BEGAIN: variants seen among roughly 807,000 people sequenced by gnomAD.
The protein encoded by BEGAIN is brain enriched guanylate kinase associated.
A neutral mutation model predicts 35.8 loss-of-function variants in BEGAIN; 19 were observed. That is an observed-to-expected ratio of 0.53 (90% confidence interval 0.37 to 0.78). BEGAIN has a LOEUF of 0.78. Ranked by LOEUF, BEGAIN falls within the 30% of genes least tolerant of loss-of-function variation. BEGAIN has a pLI of 0.00. For missense variants in BEGAIN, 795 were observed against 853.6 expected (o/e 0.93, Z 0.85); for synonymous variants, 462 against 388.6 (o/e 1.19, Z -2.22).
intron 1 of BEGAIN, among the ~76,000 whole-genome samples, chr14:100,583,612 G>A (rs1232358227): frequency 2.7e-5 from 4 of 149,820 alleles, no homozygotes; most frequent in Admixed American, 6.6e-5. Context: ...CTCTCCTCCC[G>A]TCCATCTATC....
Position 100,563,450 on chromosome 14 carries a change from G to A in BEGAIN, c.71+4461C>T, listed in dbSNP as rs1416179471. ...CATAGAAGGACCGTGTGAACAGCGA[G>A]ACGCGGCGTCCCCCAGGAGGTGTGG... On this transcript the variant is annotated intron_variant, in intron 2 of 6. Coordinates refer to ENST00000554140, the MANE Select transcript of BEGAIN (RefSeq NM_001385089.1). This position sits in a 1 kb window ranked among gnomAD's most constrained non-coding sequence, Gnocchi z 4.2. 1.3e-5 allele frequency among the ~76,000 whole-genome samples: 2 copies of A among 152,248 alleles called. No individual in the cohort carries two copies. The highest frequency in any genetic ancestry group is 2.4e-5 in the African/African-American group (1 of 41,458).
chr14:100,548,609 C>G (rs1157520427), intron 2 of BEGAIN: 1 of 152,480 alleles, frequency 6.6e-6, no homozygotes, highest in Non-Finnish European at 1.5e-5. Flanking sequence ...CCTGCCCCTT[C>G]TGGGCACCCT....
At chr14:100,577,463 C>T (rs2035226019) in intron 1 of BEGAIN, 2 of 399,544 alleles carry the variant, frequency 5.0e-6, no homozygotes, top group Non-Finnish European at 4.4e-6. Flanking sequence ...AGGGCTGGGT[C>T]CTTCTCCCCT....
intron 2 of BEGAIN, among the ~76,000 whole-genome samples, chr14:100,550,085 C>T (rs1389152190): frequency 1.3e-5 from 2 of 152,182 alleles, no homozygotes; most frequent in East Asian, 3.9e-4. Context: ...TGTGCGTGCG[C>T]ACGTGATTCT....
intron 2 of BEGAIN, 33 bp from the exon 3 acceptor site, chr14:100,546,695 C>T (rs753402866): frequency 2.0e-6 from 3 of 1,531,608 alleles, no homozygotes; most frequent in Admixed American, 1.9e-5. Context: ...GGCCGGGCCG[C>T]GGCGCTGAGC....
At chr14:100,559,703 T>A (rs902206015) in intron 2 of BEGAIN, among the ~76,000 whole-genome samples, 1 of 152,160 alleles carries the variant, frequency 6.6e-6, no homozygotes, top group Non-Finnish European at 1.5e-5. Flanking sequence ...TGGACACTTA[T>A]CAGTAATCGT....
Position 100,558,749 on chromosome 14 carries a change from C to T in BEGAIN, c.71+9162G>A, listed in dbSNP as rs2033980157. Among the ~76,000 whole-genome samples, 1 of 152,218 alleles carries T rather than the reference C, an allele frequency of 6.6e-6. No homozygotes were observed. Among genetic ancestry groups the T allele is most frequent in the Admixed American group, 6.5e-5 (1 of 15,288 alleles). Reference sequence around the variant, plus strand: ...TTCCCAGGGTATACCAGGAGCCTCACCTTCTAGGACCACCCACCACACCAG... The same window carrying T: ...TTCCCAGGGTATACCAGGAGCCTCATCTTCTAGGACCACCCACCACACCAG... On this transcript the variant is annotated intron_variant, in intron 2 of 6. Coordinates refer to ENST00000554140, the MANE Select transcript of BEGAIN (RefSeq NM_001385089.1). The surrounding 1 kb of genome is among the most constrained non-coding windows in gnomAD (Gnocchi z 4.6).
rs530174214 is a variant in BEGAIN at position 100,539,146 on chromosome 14, G to C, written c.662C>G (p.Ala221Gly). The C allele has an allele frequency of 1.2e-6, 2 of 1,601,964 alleles. No individual in the cohort carries two copies. Among genetic ancestry groups the C allele is most frequent in the Non-Finnish European group, 8.5e-7 (1 of 1,172,168 alleles). Residue 221 changes from alanine (A) to glycine (G), a missense_variant, in exon 7 of 7, where the codon GCC becomes GGC. Physicochemically the swap from Ala to Gly is moderately conservative, Grantham distance 60. Around this residue, in one of 3 missense-constraint regions of BEGAIN, gnomAD observed 664 missense variants for 647.7 expected, o/e 1.03. Coordinates refer to ENST00000554140, the MANE Select transcript of BEGAIN (RefSeq NM_001385089.1). ...GCAGAAGGCCAGGTCGCGGGCGGAG[G>C]CATCGGACAGGCGGGAGGACAGGCT... ...PASLSSRLSD[A>G]SARDLAFCDG...
At chr14:100,555,788 C>G (rs1595127788) in intron 2 of BEGAIN, among the ~76,000 whole-genome samples, 1 of 152,206 alleles carries the variant, frequency 6.6e-6, no homozygotes, top group East Asian at 1.9e-4. Context: ...CCCCGGAGTC[C>G]AACAGGACAA....
chr14:100,578,823 A>G (rs2035257528), intron 1 of BEGAIN, among the ~76,000 whole-genome samples: 1 of 151,150 alleles, frequency 6.6e-6, no homozygotes, highest in South Asian at 2.1e-4. Flanking sequence ...CTGAATCATC[A>G]TCACACCAGC....
At chr14:100,547,881 C>G (rs1400387975) in intron 2 of BEGAIN, 1 of 152,164 alleles carries the variant, frequency 6.6e-6, no homozygotes, top group South Asian at 2.1e-4. Context: ...TCCCAGTCCC[C>G]CTGGGGCCAC....
chr14:100,550,714 C>T (rs1346254448), intron 2 of BEGAIN, among the ~76,000 whole-genome samples: 1 of 152,180 alleles, frequency 6.6e-6, no homozygotes. Flanking sequence ...GAAGGGGGCC[C>T]AGCCTTGCAC....
Position 100,543,844 on chromosome 14 carries a change from T to G in BEGAIN, c.408+14A>C. On this transcript the variant is annotated intron_variant, in intron 5 of 6. Transcript: ENST00000554140. ...CCGGCAGTCTTCCATGGGCCAAGTG[T>G]GTGCGGCACTCACGTTGTCCTCTGA... 6.2e-7 allele frequency: 1 copy of G among 1,606,158 alleles called. No individual in the cohort carries two copies. The highest frequency in any genetic ancestry group is 8.5e-7 in the Non-Finnish European group (1 of 1,174,362).
At chr14:100,577,540 G>A (rs1473495968) in intron 1 of BEGAIN, 2 of 399,196 alleles carry the variant, frequency 5.0e-6, no homozygotes, top group Non-Finnish European at 4.4e-6. Context: ...AGAGGGCTCT[G>A]GGCTGCGGCC....
At chr14:100,569,283 C>G (rs999291286) in intron 1 of BEGAIN, 1 of 152,180 alleles carries the variant, frequency 6.6e-6, no homozygotes, top group South Asian at 2.1e-4. Flanking sequence ...ATGGCGGTTC[C>G]CCTCCCCAGA....
chr14:100,538,240 C>T lies in BEGAIN; in HGVS notation c.1568G>A (p.Gly523Asp), dbSNP rs774330641. The change falls in exon 7 of 7, where the codon GGC becomes GAC. Residue 523 changes from glycine (G) to aspartate (D), a missense_variant. By Grantham distance (94) the Gly-to-Asp change is moderately conservative (BLOSUM62 -1). This residue lies in a region of BEGAIN where 664 missense variants were observed against 647.7 expected (regional missense o/e 1.03). Transcript: ENST00000554140. The part of the protein sequence containing the change: ...RAGGDLSLSP[G>D]RSADPLPGYA... The stretch of plus-strand genomic sequence containing the variant: ...GCCGGGCAGTGGGTCAGCCGAGCGG[C>T]CGGGACTGAGGCTCAGGTCGCCGCC... 1.3e-6 allele frequency: 2 copies of T among 1,570,644 alleles called. No homozygotes were observed. Among genetic ancestry groups the T allele is most frequent in the Non-Finnish European group, 1.7e-6 (2 of 1,165,602 alleles).
intron 2 of BEGAIN, among the ~76,000 whole-genome samples, chr14:100,555,747 C>T (rs566911074): frequency 6.6e-6 from 1 of 152,324 alleles, no homozygotes; most frequent in African/African-American, 2.4e-5. Context: ...TGCCCTCTGC[C>T]TCCGTGTGGC....
chr14:100,538,192 T>TCC lies in BEGAIN; in HGVS notation c.1614_1615dup (p.Asp539GlyfsTer58). The TCC allele has an allele frequency of 1.3e-6, 2 of 1,539,036 alleles. No homozygotes were observed. The highest frequency in any genetic ancestry group is 1.7e-6 in the Non-Finnish European group (2 of 1,147,416). On this transcript the variant is annotated frameshift_variant, in exon 7 of 7. Transcript: ENST00000554140. LOFTEE classifies it high-confidence loss of function. ...CAGCTGCACCCCGAGCCTGTCCCCG[T>TCC]CCCCCCCCTCGCTGGGTGCATAGCC...
At chr14:100,570,100 A>G (rs1340475809) in intron 1 of BEGAIN, among the ~76,000 whole-genome samples, 2 of 152,190 alleles carry the variant, frequency 1.3e-5, no homozygotes, top group Non-Finnish European at 2.9e-5. Context: ...TCCCACCCAA[A>G]GGCTGTCTCT....
Sources: gnomAD v4.1 joint callset for allele counts (sites outside exome capture counted in the v4.1 genomes callset) on GRCh38, gnomAD v4.1.1 for gene constraint, gnomAD v4.1.1 regional missense constraint, Gnocchi (gnomAD v3.1) non-coding constraint, MANE v1.5 for transcripts, NCBI Gene and HGNC (gene_info 2026-07-23, HGNC 2026-07-21) for gene names.